Variants in CCDC171 observed in about 807,000 individuals in gnomAD.
The protein encoded by CCDC171 is coiled-coil domain-containing protein 171.
A neutral mutation model predicts 168.2 loss-of-function variants in CCDC171; 177 were observed. That is an observed-to-expected ratio of 1.05 (90% CI 0.93 to 1.19). The LOEUF (loss-of-function observed/expected upper bound fraction) is 1.19. CCDC171 is among the 50% of genes most tolerant of loss of function. The pLI is 0.00. For missense variants in CCDC171, 1,991 were observed against 1,539.0 expected, an observed-to-expected ratio of 1.29 and a Z score of -4.91; for synonymous variants, 687 against 540.8, an observed-to-expected ratio of 1.27 and a Z score of -3.75.
chr9:15,984,450 A>G (rs201654274), intron 3 of CCDC171, among the ~76,000 whole-genome samples: 1 of 41,798 alleles, frequency 2.4e-5, no homozygotes, highest in Non-Finnish European at 4.6e-5. Flanking sequence ...ATATATATAT[A>G]TATGTTTATA....
At chr9:15,700,173 T>A (rs2051597394) in intron 11 of CCDC171, among the ~76,000 whole-genome samples, 1 of 152,190 alleles carries the variant, frequency 6.6e-6, no homozygotes, top group South Asian at 2.1e-4. Context: ...CTGCAGGTGC[T>A]GAGCCCTGCC....
In CCDC171 at chr9:15,934,128, C is replaced by G. The variant is rs141986990; in HGVS notation, c.3753+13706C>G. 1.0e-3 allele frequency among the ~76,000 whole-genome samples: 159 copies of G among 151,772 alleles called. 1 individual carries two copies. Among genetic ancestry groups the G allele is most frequent in the Non-Finnish European group, 1.8e-3 (121 of 67,842 alleles). The stretch of plus-strand genomic sequence containing the variant: ...ACAGAGGACTTGAACAGCTAATTCT[C>G]CATAGAAGATATGCAAATGCTTTGG... On this transcript the variant is annotated intron_variant, in intron 25 of 25. Coordinates refer to ENST00000380701, the MANE Select transcript of CCDC171 (RefSeq NM_173550.4).
In CCDC171 at chr9:15,887,009, A is replaced by G. The variant is rs140817516; in HGVS notation, c.3600+12346A>G. Among the ~76,000 whole-genome samples, 169 of 152,250 alleles carry G rather than the reference A, an allele frequency of 1.1e-3. 1 individual carries two copies. In the East Asian group the frequency reaches 0.032, roughly 29 times the overall value. ...ATGAGGAGATAATTGGTCAAAGGGT[A>G]AAAACTTTTGGTCATAAGATGAATA... On this transcript the variant is annotated intron_variant, in intron 24 of 25. Coordinates refer to ENST00000380701, the MANE Select transcript of CCDC171 (RefSeq NM_173550.4).
chr9:16,015,598 T>G (rs925064801), intron 3 of CCDC171, among the ~76,000 whole-genome samples: 1 of 152,198 alleles, frequency 6.6e-6, no homozygotes, highest in Admixed American at 6.5e-5. Flanking sequence ...ACTGTCAAAT[T>G]TTTTAAATAC....
At chr9:16,087,184 T>G in the CCDC171 span, among the ~76,000 whole-genome samples, 1 of 152,200 alleles carries the variant, frequency 6.6e-6, no homozygotes, top group Non-Finnish European at 1.5e-5. Flanking sequence ...TGTGATGTGG[T>G]GCTGAAAAGA....
intron 3 of CCDC171, among the ~76,000 whole-genome samples, chr9:15,987,922 G>T (rs1832047314): frequency 6.6e-6 from 1 of 152,148 alleles, no homozygotes; most frequent in Admixed American, 6.5e-5. Context: ...GAAACAGTTT[G>T]TGTACACTGA....
At chr9:15,815,255 C>G (rs1426019641) in intron 21 of CCDC171, among the ~76,000 whole-genome samples, 2 of 152,134 alleles carry the variant, frequency 1.3e-5, no homozygotes, top group Non-Finnish European at 2.9e-5. Flanking sequence ...CTTTCTGTAG[C>G]TGCTTTGGGT....
At chr9:15,647,745 G>A (rs1044935791) in intron 7 of CCDC171, among the ~76,000 whole-genome samples, 5 of 152,138 alleles carry the variant, frequency 3.3e-5, no homozygotes, top group Non-Finnish European at 5.9e-5. Flanking sequence ...TGAAATTGAG[G>A]CAATAATCAA....
intron 11 of CCDC171, among the ~76,000 whole-genome samples, chr9:15,698,245 G>A (rs2051372787): frequency 6.6e-6 from 1 of 152,278 alleles, no homozygotes; most frequent in East Asian, 1.9e-4. Context: ...ATAAGGGCCA[G>A]GCGCGGTGGC....
In CCDC171 at chr9:15,562,050, A is replaced by G. The variant is rs150114424; in HGVS notation, c.-111-1928A>G. On this transcript the variant is annotated intron_variant, in intron 1 of 25. Transcript: ENST00000380701. ...TACTCTGTAGCCCAGGCTGGAGTGC[A>G]GTGGCGCAATCTTGGCTCACTGCAG... 1.9e-3 allele frequency among the ~76,000 whole-genome samples: 283 copies of G among 151,992 alleles called. 1 individual carries two copies. Among genetic ancestry groups the G allele is most frequent in the African/African-American group, 5.3e-3 (218 of 41,494 alleles).
intron 4 of CCDC171, among the ~76,000 whole-genome samples, chr9:15,590,771 C>CTTTCTTTCTCTT (rs1287033772): frequency 8.2e-6 from 1 of 122,520 alleles, no homozygotes; most frequent in Non-Finnish European, 1.7e-5. Context: ...TTCTTTCTTT[C>CTTTCTTTCTCTT]TCTTTCTTTC....
the CCDC171 span, among the ~76,000 whole-genome samples, chr9:16,097,007 G>A: frequency 2.0e-5 from 3 of 152,132 alleles, no homozygotes; most frequent in African/African-American, 4.8e-5. Flanking sequence ...ATAGAAATTC[G>A]GAAAGAAGAA....
intron 8 of CCDC171, among the ~76,000 whole-genome samples, chr9:15,662,731 T>G (rs1216594630): frequency 2.6e-5 from 4 of 151,972 alleles, no homozygotes; most frequent in Non-Finnish European, 5.9e-5. Flanking sequence ...ATCCCAGCAC[T>G]TTGGGAGGCT....
intron 14 of CCDC171, among the ~76,000 whole-genome samples, chr9:15,726,105 A>G (rs1472131408): frequency 2.0e-5 from 3 of 152,200 alleles, no homozygotes; most frequent in African/African-American, 7.2e-5. Flanking sequence ...CCAAGAGAGT[A>G]AAAAGGAAAC....
At chr9:15,989,614 T>C (rs1203990492) in intron 3 of CCDC171, among the ~76,000 whole-genome samples, 2 of 152,002 alleles carry the variant, frequency 1.3e-5, no homozygotes, top group East Asian at 3.9e-4. Flanking sequence ...AGGTTTCAGA[T>C]GATCAAACTT....
At chr9:16,063,576 A>G (rs1833959310), downstream of CCDC171, among the ~76,000 whole-genome samples, 2 of 152,220 alleles carry the variant, frequency 1.3e-5, no homozygotes, top group Non-Finnish European at 2.9e-5. Context: ...ATTATCTGAG[A>G]GGAGGCTGCT....
rs751808954 is a variant in CCDC171 at position 15,623,457 on chromosome 9, TCAC to T, written c.822+45_822+47del. On this transcript the variant is annotated intron_variant, in intron 7 of 25. Transcript: ENST00000380701. ...TTATAATATATATGCGTACAAACTT[TCAC>T]ATATGCGCGCGCGCGCACACACACA... The T allele has an allele frequency of 6.9e-6, 6 of 867,198 alleles. No individual in the cohort carries two copies. The East Asian group carries it at 2.7e-4, about 39-fold the overall frequency. The allele number at this position is 867,198 out of a possible 1,614,324, so 53.7% of individuals were successfully genotyped here. A position where few individuals can be genotyped will look rare whatever the true frequency, so the allele number is the denominator to read the frequency against.
chr9:15,942,130 T>C (rs1431901200), intron 25 of CCDC171, among the ~76,000 whole-genome samples: 3 of 151,954 alleles, frequency 2.0e-5, no homozygotes, highest in Non-Finnish European at 4.4e-5. Context: ...TGTATCATAT[T>C]ACAATTGATT....
At chr9:15,610,339 G>A (rs752214697) in intron 6 of CCDC171, among the ~76,000 whole-genome samples, 45 of 149,476 alleles carry the variant, frequency 3.0e-4, no homozygotes, top group Non-Finnish European at 6.4e-4. Context: ...GGGCGCGATG[G>A]CTCATGCCTG....
Sources: allele counts gnomAD v4.1 joint callset (sites outside exome capture counted in the v4.1 genomes callset), GRCh38; gene constraint gnomAD v4.1.1; transcripts MANE v1.5; gene names NCBI Gene and HGNC (gene_info 2026-07-23, HGNC 2026-07-21).